Variants in USP26 observed in about 807,000 individuals in gnomAD.
USP26 encodes ubiquitin carboxyl-terminal hydrolase 26.
For synonymous variants in USP26, 236 were observed against 240.6 expected, an observed-to-expected ratio of 0.98 and a Z score of 0.18; for missense variants, 649 against 642.3, an observed-to-expected ratio of 1.01 and a Z score of -0.11.
chrX:133,038,396 G>A (rs112694268), intron 5 of USP26, among the ~76,000 whole-genome samples: 3,824 of 111,649 alleles, frequency 0.034, 97 homozygotes, highest in East Asian at 0.1. Flanking sequence ...TTTTATTGAA[G>A]GCCTTTTCCG....
chrX:133,073,980 C>T (rs770509023), intron 5 of USP26, among the ~76,000 whole-genome samples: 1 of 111,402 alleles, frequency 9.0e-6, no homozygotes, highest in South Asian at 3.9e-4. Flanking sequence ...AGATAATGTA[C>T]TGCCTTTATA....
chrX:133,083,207 A>C, intron 5 of USP26, among the ~76,000 whole-genome samples: 1 of 112,268 alleles, frequency 8.9e-6, no homozygotes, highest in Non-Finnish European at 1.9e-5. Context: ...GTATAGTTAA[A>C]GCATTTTTCT....
rs779097129 is a variant in USP26 at position 133,027,960 on chromosome X, G to A, written c.261C>T (p.Ser87=). ...TCTTCAATTGTTCAGCATCTGTGGA[G>A]GATAATCCTTCAATAAACAAGCCAT... ...NNNGLFIEGL[S]STDAEQLKIF... is the part of the protein sequence containing the mutation. Residue 87 remains serine, a synonymous_variant, in exon 6 of 6, where the codon TCC becomes TCT. Coordinates refer to ENST00000511190, the MANE Select transcript of USP26 (RefSeq NM_031907.3). 2 of 1,211,248 alleles carry A rather than the reference G, an allele frequency of 1.7e-6. No individual in the cohort carries two copies. Among genetic ancestry groups the A allele is most frequent in the Non-Finnish European group, 2.2e-6 (2 of 895,238 alleles).
In USP26 at chrX:133,023,893, C is replaced by T. The variant is rs1209548484; in HGVS notation, c.*1586G>A. Reference sequence around the variant, plus strand: ...CTATACTGAAGCCATACCCCATATACAAGGGGGCATATTCCTATTGGTAAA... The same window carrying T: ...CTATACTGAAGCCATACCCCATATATAAGGGGGCATATTCCTATTGGTAAA... On this transcript the variant is annotated 3_prime_UTR_variant, in exon 6 of 6. Transcript: ENST00000511190. Among the ~76,000 whole-genome samples the T allele has an allele frequency of 8.9e-6, 1 of 111,833 alleles. No homozygotes were observed. The highest frequency in any genetic ancestry group is 1.9e-5 in the Non-Finnish European group (1 of 53,158).
chrX:133,032,230 GA>G (rs958714743), intron 5 of USP26, among the ~76,000 whole-genome samples: 11 of 111,561 alleles, frequency 9.9e-5, no homozygotes, highest in African/African-American at 3.6e-4. Flanking sequence ...AAAGTTAGAG[GA>G]ACTGAATTTG....
intron 5 of USP26, among the ~76,000 whole-genome samples, chrX:133,033,391 G>A (rs184638931): frequency 6.2e-4 from 69 of 111,891 alleles, no homozygotes; most frequent in Admixed American, 4.6e-3. Flanking sequence ...CTCTCCATAG[G>A]AGGCCCTGAC....
intron 4 of USP26, among the ~76,000 whole-genome samples, chrX:133,089,808 G>A (rs2067601233): frequency 8.9e-6 from 1 of 112,067 alleles, no homozygotes; most frequent in Non-Finnish European, 1.9e-5. Context: ...GAGGCCCAAA[G>A]AGTTAGTTGG....
intron 5 of USP26, among the ~76,000 whole-genome samples, chrX:133,063,648 G>T (rs1330166654): frequency 9.0e-6 from 1 of 111,468 alleles, no homozygotes; most frequent in East Asian, 2.8e-4. Context: ...CAGTGAGGGA[G>T]AAATAAAAAC....
In USP26 at chrX:133,026,448, T is replaced by C. The variant is rs918542692; in HGVS notation, c.1773A>G (p.Thr591=). 1 of 1,209,236 alleles carries C rather than the reference T, an allele frequency of 8.3e-7. No individual in the cohort carries two copies. The highest frequency in any genetic ancestry group is 1.1e-6 in the Non-Finnish European group (1 of 894,946). Reference sequence around the variant, plus strand: ...GAGCCAGGATATCTTTGGATTCCTTTGTTGCAGGCCATGATACACTGATGT... The same window carrying C: ...GAGCCAGGATATCTTTGGATTCCTTCGTTGCAGGCCATGATACACTGATGT... ...SGNISVSWPA[T]KESKDILAPH... is the part of the protein sequence containing the mutation. Residue 591 remains threonine (T), a synonymous_variant, in exon 6 of 6, where the codon ACA becomes ACG. Coordinates refer to ENST00000511190, the MANE Select transcript of USP26 (RefSeq NM_031907.3).
At chrX:133,087,755 A>G (rs1366644327) in intron 4 of USP26, among the ~76,000 whole-genome samples, 1 of 112,307 alleles carries the variant, frequency 8.9e-6, no homozygotes, top group Non-Finnish European at 1.9e-5. Context: ...AAAGATCTAT[A>G]AACCCAAATA....
chrX:133,041,828 C>T (rs1021099380), intron 5 of USP26, among the ~76,000 whole-genome samples: 3 of 112,310 alleles, frequency 2.7e-5, no homozygotes, highest in Admixed American at 9.4e-5. Context: ...CTTCCTCCTA[C>T]GTGCTCTGTC....
chrX:133,074,421 C>T (rs990606325), intron 5 of USP26, among the ~76,000 whole-genome samples: 33 of 111,809 alleles, frequency 3.0e-4, no homozygotes, highest in Admixed American at 2.9e-3. Flanking sequence ...TTGAATACTC[C>T]GTTGAGGAAT....
intron 1 of USP26, among the ~76,000 whole-genome samples, chrX:133,093,449 A>T (rs1602993842): frequency 9.0e-6 from 1 of 110,845 alleles, no homozygotes; most frequent in South Asian, 3.9e-4. Flanking sequence ...TCTTGCCCCC[A>T]TGGAGCTTAA....
At chrX:133,091,098 A>T (rs775609928) in intron 2 of USP26, among the ~76,000 whole-genome samples, 2 of 112,570 alleles carry the variant, frequency 1.8e-5, no homozygotes, top group Non-Finnish European at 3.7e-5. Flanking sequence ...GAACCTTGTC[A>T]TACCAGCAAT....
Position 133,025,647 on chromosome X carries a change from A to G in USP26, c.2574T>C (p.Asp858=). ...DFEKQIWFTY[D]DMRVLGIQEA... ...CCTGGATACCTAACACCCGCATATC[A>G]TCGTAAGTGAACCAGATCTGTTTCT... Residue 858 remains aspartate, a synonymous_variant, in exon 6 of 6, where the codon GAT becomes GAC. Transcript: ENST00000511190. 2 of 1,211,385 alleles carry G rather than the reference A, an allele frequency of 1.7e-6. No individual in the cohort carries two copies. Among genetic ancestry groups the G allele is most frequent in the Non-Finnish European group, 2.2e-6 (2 of 895,402 alleles).
At chrX:133,076,022 G>A (rs1328083743) in intron 5 of USP26, among the ~76,000 whole-genome samples, 2 of 111,634 alleles carry the variant, frequency 1.8e-5, no homozygotes, top group Non-Finnish European at 3.8e-5. Context: ...AGGTAGAAAG[G>A]CAGGAATTTA....
At chrX:133,094,710 T>C (rs2067621806) in intron 1 of USP26, among the ~76,000 whole-genome samples, 1 of 112,259 alleles carries the variant, frequency 8.9e-6, no homozygotes, top group African/African-American at 3.2e-5. Flanking sequence ...AAAAACTTTC[T>C]GCAGTGGCTG....
intron 5 of USP26, among the ~76,000 whole-genome samples, chrX:133,073,376 A>G (rs1288766497): frequency 3.7e-5 from 4 of 107,433 alleles, no homozygotes; most frequent in African/African-American, 1.4e-4. Flanking sequence ...CTCCAAGGAC[A>G]TCTAATGGTT....
At chrX:133,040,197 G>A (rs1454319658) in intron 5 of USP26, among the ~76,000 whole-genome samples, 5 of 111,706 alleles carry the variant, frequency 4.5e-5, no homozygotes, top group African/African-American at 1.6e-4. Context: ...TTACGTTTAA[G>A]GTTAATATTG....
Sources: gnomAD v4.1 joint callset for allele counts (sites outside exome capture counted in the v4.1 genomes callset) on GRCh38, gnomAD v4.1.1 for gene constraint, MANE v1.5 for transcripts, NCBI Gene and HGNC (gene_info 2026-07-23, HGNC 2026-07-21) for gene names.